Variants in PCDHGB2 observed in about 807,000 individuals in gnomAD.
The protein encoded by PCDHGB2 is protocadherin gamma-B2.
PCDHGB2 carries 55 observed loss-of-function variants against 59.3 expected under a neutral mutation model. The observed-to-expected ratio is 0.93, with a 90% CI of 0.75 to 1.16. The LOEUF is 1.16. PCDHGB2 is among the 50% of genes most tolerant of loss of function. The probability of loss-of-function intolerance (pLI) is 0.00; values close to 1 mark genes in which losing one functional copy is unlikely to be tolerated. For missense variants in PCDHGB2, 1,228 were observed against 1,198.5 expected, an observed-to-expected ratio of 1.02 and a Z score of -0.36; for synonymous variants, 516 against 512.0, an observed-to-expected ratio of 1.01 and a Z score of -0.11.
intron 1 of PCDHGB2, chr5:141,423,903 AG>A: frequency 7.8e-7 from 1 of 1,276,130 alleles, no homozygotes. Context: ...TTGATTTCAA[AG>A]GGGCCATTCA....
At chr5:141,436,200 T>C (rs1266606536) in intron 1 of PCDHGB2, among the ~76,000 whole-genome samples, 1 of 152,014 alleles carries the variant, frequency 6.6e-6, no homozygotes, top group African/African-American at 2.4e-5. Context: ...AAGAAAGACA[T>C]AATAGGAAAA....
At chr5:141,455,208 A>G (rs1450523873) in intron 1 of PCDHGB2, among the ~76,000 whole-genome samples, 1 of 151,996 alleles carries the variant, frequency 6.6e-6, no homozygotes, top group Non-Finnish European at 1.5e-5. Context: ...AACCAATAAG[A>G]GTTTTTAATG....
chr5:141,391,135 C>T (rs1481057033), intron 1 of PCDHGB2: 2 of 152,104 alleles, frequency 1.3e-5, no homozygotes, highest in Non-Finnish European at 2.9e-5. Flanking sequence ...AATCATTCTC[C>T]TACCTCTAGG....
chr5:141,390,231 T>C, intron 1 of PCDHGB2: 1 of 1,614,086 alleles, frequency 6.2e-7, no homozygotes, highest in South Asian at 1.1e-5. Flanking sequence ...CGGTGATTCA[T>C]CTGGGGCCTT....
rs1419985074 is a variant in PCDHGB2, at chr5:141,431,009, T to C, written c.2422-63798T>C. On this transcript the variant is annotated intron_variant, in intron 1 of 3. Transcript: ENST00000522605. The surrounding 1 kb of genome is among the most constrained non-coding windows in gnomAD (Gnocchi z 4.8). ...CGCCCTGAATCCGCGCAGCGGCAGC[T>C]TGGTCACGGCGGGCAGGATAGACCG... The C allele has an allele frequency of 3.7e-6, 6 of 1,613,884 alleles. No individual in the cohort carries two copies. Among genetic ancestry groups the C allele is most frequent in the Non-Finnish European group, 5.1e-6 (6 of 1,179,984 alleles).
chr5:141,487,751 G>A lies in PCDHGB2; in HGVS notation c.2422-7056G>A. ...CACCATTTTTGTAAGAGGTAACTAT[G>A]TGGTAGACGCTGTGCTTTGTAACTG... On this transcript the variant is annotated intron_variant, in intron 1 of 3. Coordinates refer to ENST00000522605, the MANE Select transcript of PCDHGB2 (RefSeq NM_018923.3). This position sits in a 1 kb window ranked among gnomAD's most constrained non-coding sequence, Gnocchi z 5.0. 1 of 1,555,004 alleles carries A rather than the reference G, an allele frequency of 6.4e-7. No homozygotes were observed.
intron 3 of PCDHGB2, chr5:141,508,084 T>A (rs1422530110): frequency 6.6e-6 from 1 of 152,432 alleles, no homozygotes; most frequent in East Asian, 1.9e-4. Flanking sequence ...CTGGAGTTGC[T>A]GCCTTGGCCC....
intron 1 of PCDHGB2, among the ~76,000 whole-genome samples, chr5:141,445,733 T>C (rs1031885468): frequency 6.6e-6 from 1 of 152,186 alleles, no homozygotes; most frequent in Non-Finnish European, 1.5e-5. Context: ...TGTGTAAAGA[T>C]CTTTTTAAAA....
chr5:141,425,763 G>A (rs959881638), intron 1 of PCDHGB2, among the ~76,000 whole-genome samples: 3 of 152,164 alleles, frequency 2.0e-5, no homozygotes, highest in Non-Finnish European at 4.4e-5. Context: ...TCTACAACAG[G>A]AGAGAAGACT....
Position 141,510,979 on chromosome 5 carries a change from G to A in PCDHGB2, c.2602G>A (p.Gly868Ser). 6.2e-7 allele frequency: 1 copy of A among 1,614,156 alleles called. No homozygotes were observed. The highest frequency in any genetic ancestry group is 8.5e-7 in the Non-Finnish European group (1 of 1,180,018). Reference sequence around the variant, plus strand: ...TGATGGGAGCTCCACCCTGGGAGGGGGTGCCGGCACCATGGGATTGAGCGC... The same window carrying A: ...TGATGGGAGCTCCACCCTGGGAGGGAGTGCCGGCACCATGGGATTGAGCGC... ...AADGSSTLGG[G>S]AGTMGLSARY... The change falls in exon 4 of 4, where the codon GGT becomes AGT. Residue 868 changes from glycine (G) to serine (S), a missense_variant. Physicochemically the swap from Gly to Ser is moderately conservative, Grantham distance 56. This residue lies in a region of PCDHGB2 where 433 missense variants were observed against 441.8 expected (regional missense o/e 0.98). Transcript: ENST00000522605.
chr5:141,489,425 G>A lies in PCDHGB2; in HGVS notation c.2422-5382G>A, dbSNP rs779739693. 18 of 1,614,000 alleles carry A rather than the reference G, an allele frequency of 1.1e-5. No homozygotes were observed. Among genetic ancestry groups the A allele is most frequent in the South Asian group, 5.5e-5 (5 of 91,074 alleles). The stretch of plus-strand genomic sequence containing the variant: ...TTAAAGATGACAGATCTGTTGAGCC[G>A]GCGGCTGCAATTGGGCTCTGAGGAG... On this transcript the variant is annotated intron_variant, in intron 1 of 3. Transcript: ENST00000522605. This position sits in a 1 kb window ranked among gnomAD's most constrained non-coding sequence, Gnocchi z 4.5.
chr5:141,370,327 A>T, intron 1 of PCDHGB2: 5 of 1,399,556 alleles, frequency 3.6e-6, no homozygotes, highest in Non-Finnish European at 4.8e-6. Context: ...TCCTGCTCGG[A>T]GAACTCTTGG....
At chr5:141,405,227 C>T (rs562247940) in intron 1 of PCDHGB2, 1 of 1,614,114 alleles carries the variant, frequency 6.2e-7, no homozygotes, top group South Asian at 1.1e-5. Flanking sequence ...GGAGTTCTCC[C>T]TCACCGCTGA....
At position 141,431,918 on chromosome 5, in the gene PCDHGB2, C is replaced by T; in HGVS notation, c.2422-62889C>T. On this transcript the variant is annotated intron_variant, in intron 1 of 3. Transcript: ENST00000522605. This position sits in a 1 kb window ranked among gnomAD's most constrained non-coding sequence, Gnocchi z 4.8. Reference sequence around the variant, plus strand: ...AAACGGACAGGTGATCTGTTTCATCCAAGGAAATCTGCCCTTTAAATTAGA... The same window carrying T: ...AAACGGACAGGTGATCTGTTTCATCTAAGGAAATCTGCCCTTTAAATTAGA... The T allele has an allele frequency of 6.2e-7, 1 of 1,613,998 alleles. No individual in the cohort carries two copies. The highest frequency in any genetic ancestry group is 8.5e-7 in the Non-Finnish European group (1 of 1,179,862).
At chr5:141,458,219 C>T (rs2098940224) in intron 1 of PCDHGB2, among the ~76,000 whole-genome samples, 1 of 152,248 alleles carries the variant, frequency 6.6e-6, no homozygotes, top group African/African-American at 2.4e-5. Flanking sequence ...AATAAGTTTC[C>T]TTTCCCAGTC....
intron 1 of PCDHGB2, chr5:141,413,112 G>A (rs1589839162): frequency 6.7e-7 from 1 of 1,502,662 alleles, no homozygotes; most frequent in East Asian, 2.3e-5. Flanking sequence ...GAAAGACAAA[G>A]GAACCGGTTG....
At chr5:141,394,486 A>G (rs1446259630) in intron 1 of PCDHGB2, 2 of 1,613,980 alleles carry the variant, frequency 1.2e-6, no homozygotes, top group Non-Finnish European at 8.5e-7. Flanking sequence ...CAGAATGACA[A>G]CGCGCCCGAG....
chr5:141,360,173 G>A lies in PCDHGB2; in HGVS notation c.38G>A (p.Trp13Ter). The A allele has an allele frequency of 6.2e-7, 1 of 1,609,062 alleles. No homozygotes were observed. Among genetic ancestry groups the A allele is most frequent in the African/African-American group, 1.3e-5 (1 of 74,914 alleles). Reference sequence around the variant, plus strand: ...TCAGGGAGGTGCGGGCTGGTGCGGTGGCTGCAGGTACTGTTGCCCTTCCTG... The same window carrying A: ...TCAGGGAGGTGCGGGCTGGTGCGGTAGCTGCAGGTACTGTTGCCCTTCCTG... ...ASSGRCGLVR[W>*]LQVLLPFLLS... The change falls in exon 1 of 4, where the codon TGG becomes TAG. Residue 13 changes from tryptophan to a stop codon, truncating the protein, a stop_gained. Coordinates refer to ENST00000522605, the MANE Select transcript of PCDHGB2 (RefSeq NM_018923.3). LOFTEE classifies it high-confidence loss of function.
At chr5:141,383,861 C>A (rs1284375260) in intron 1 of PCDHGB2, 1 of 1,613,936 alleles carries the variant, frequency 6.2e-7, no homozygotes, top group East Asian at 2.2e-5. Context: ...GAGGTTCAGG[C>A]TCAAGATGGT....
Sources: allele counts gnomAD v4.1 joint callset (sites outside exome capture counted in the v4.1 genomes callset), GRCh38; gene constraint gnomAD v4.1.1; regional missense constraint gnomAD v4.1.1; non-coding constraint Gnocchi (gnomAD v3.1); transcripts MANE v1.5; gene names NCBI Gene and HGNC (gene_info 2026-07-23, HGNC 2026-07-21).